The following TNFRSF19 variants were observed in gnomAD, a reference collection of about 807,000 sequenced individuals.
TNFRSF19 encodes the protein TNF receptor superfamily member 19, also known as tumor necrosis factor receptor superfamily member 19.
Under a neutral mutation model 46.4 loss-of-function variants are expected in TNFRSF19, and 27 were observed. The ratio of observed to expected loss-of-function variants is 0.58; its 90% confidence interval spans 0.43 to 0.80. The LOEUF is 0.80. Ranked by LOEUF, TNFRSF19 falls within the 30% of genes least tolerant of loss-of-function variation. The pLI, the probability that TNFRSF19 is intolerant of heterozygous loss-of-function variation, is 0.00. For synonymous variants in TNFRSF19, 204 were observed against 205.0 expected, an observed-to-expected ratio of 1.00 and a Z score of 0.04; for missense variants, 511 against 530.8, an observed-to-expected ratio of 0.96 and a Z score of 0.37.
At chr13:23,594,695 AC>A (rs1157444942) in intron 3 of TNFRSF19, among the ~76,000 whole-genome samples, 1 of 152,234 alleles carries the variant, frequency 6.6e-6, no homozygotes, top group Admixed American at 6.5e-5. Flanking sequence ...GCTTCAGCAG[AC>A]TTAAACGTTC....
chr13:23,577,405 A>G (rs768691289), intron 1 of TNFRSF19, among the ~76,000 whole-genome samples: 1 of 152,256 alleles, frequency 6.6e-6, no homozygotes, highest in African/African-American at 2.4e-5. Flanking sequence ...AATTCCACTC[A>G]GAAAGCTTTG....
At chr13:23,585,335 G>A (rs1317415716) in intron 1 of TNFRSF19, 1 of 152,042 alleles carries the variant, frequency 6.6e-6, no homozygotes, top group Non-Finnish European at 1.5e-5. Flanking sequence ...CAGATTATTA[G>A]AATTATTACA....
intron 1 of TNFRSF19, among the ~76,000 whole-genome samples, chr13:23,573,208 C>A (rs371855406): frequency 2.1e-4 from 32 of 152,184 alleles, no homozygotes; most frequent in African/African-American, 7.7e-4. Flanking sequence ...AACAAATGCA[C>A]TCTGTAGCTC....
intron 5 of TNFRSF19, among the ~76,000 whole-genome samples, chr13:23,628,391 C>T (rs1458734912): frequency 6.6e-6 from 1 of 152,200 alleles, no homozygotes; most frequent in African/African-American, 2.4e-5. Flanking sequence ...AGGACAAGCC[C>T]TCTTGCCAGT....
intron 5 of TNFRSF19, among the ~76,000 whole-genome samples, chr13:23,641,665 C>T (rs910495778): frequency 6.6e-6 from 1 of 152,182 alleles, no homozygotes; most frequent in African/African-American, 2.4e-5. Context: ...CCATTTCATT[C>T]ACAATATTCC....
intron 9 of TNFRSF19, among the ~76,000 whole-genome samples, chr13:23,671,449 C>A (rs1237326043): frequency 6.6e-6 from 1 of 151,856 alleles, no homozygotes; most frequent in Non-Finnish European, 1.5e-5. Flanking sequence ...GATTTTTCCC[C>A]TATAATAGTG....
chr13:23,616,319 A>G (rs1163112565), intron 4 of TNFRSF19, among the ~76,000 whole-genome samples: 1 of 152,224 alleles, frequency 6.6e-6, no homozygotes, highest in Non-Finnish European at 1.5e-5. Flanking sequence ...ATCAGTAAAA[A>G]AGAAAACTTG....
At chr13:23,651,879 AG>A in intron 5 of TNFRSF19, among the ~76,000 whole-genome samples, 1 of 131,932 alleles carries the variant, frequency 7.6e-6, no homozygotes, top group Non-Finnish European at 1.6e-5. Flanking sequence ...ATGGTTGGAA[AG>A]AACATAACAT....
intron 9 of TNFRSF19, among the ~76,000 whole-genome samples, chr13:23,673,119 C>T (rs1565959138): frequency 1.3e-5 from 2 of 152,140 alleles, no homozygotes; most frequent in African/African-American, 2.4e-5. Context: ...CTATGGGTTA[C>T]GGTATCATCT....
At chr13:23,594,266 C>G (rs530545811) in intron 3 of TNFRSF19, 1 of 452,606 alleles carries the variant, frequency 2.2e-6, no homozygotes, top group East Asian at 7.0e-5. Flanking sequence ...CATTCACTCC[C>G]CTGGAAAGGG....
intron 5 of TNFRSF19, among the ~76,000 whole-genome samples, chr13:23,644,926 C>T (rs923932236): frequency 6.6e-6 from 1 of 152,128 alleles, no homozygotes; most frequent in Non-Finnish European, 1.5e-5. Flanking sequence ...TTCTGTGATC[C>T]TCTATTTGAA....
chr13:23,628,497 G>A (rs748329026), intron 5 of TNFRSF19, among the ~76,000 whole-genome samples: 1 of 152,156 alleles, frequency 6.6e-6, no homozygotes, highest in Non-Finnish European at 1.5e-5. Context: ...CCAGACTGCT[G>A]CACAGAGATT....
At chr13:23,594,982 G>A (rs1472823112) in intron 3 of TNFRSF19, among the ~76,000 whole-genome samples, 1 of 152,242 alleles carries the variant, frequency 6.6e-6, no homozygotes, top group Non-Finnish European at 1.5e-5. Context: ...AGGGTCTGGA[G>A]TGGACCTCCA....
chr13:23,624,860 C>G (rs1881888705), intron 4 of TNFRSF19, among the ~76,000 whole-genome samples: 1 of 151,764 alleles, frequency 6.6e-6, no homozygotes, highest in South Asian at 2.1e-4. Flanking sequence ...ATGTGATTCT[C>G]CTGCCTCAGC....
At chr13:23,599,472 A>G (rs1879973355) in intron 3 of TNFRSF19, among the ~76,000 whole-genome samples, 1 of 152,220 alleles carries the variant, frequency 6.6e-6, no homozygotes, top group Non-Finnish European at 1.5e-5. Flanking sequence ...TTAGGGAGAC[A>G]TAAGACATTA....
chr13:23,608,959 C>T (rs989353374), intron 3 of TNFRSF19, among the ~76,000 whole-genome samples: 1 of 152,224 alleles, frequency 6.6e-6, no homozygotes, highest in Admixed American at 6.5e-5. Context: ...GTCCTCCATG[C>T]TCCTCATGCC....
chr13:23,607,578 A>G (rs1880600517), intron 3 of TNFRSF19, among the ~76,000 whole-genome samples: 1 of 152,230 alleles, frequency 6.6e-6, no homozygotes, highest in South Asian at 2.1e-4. Flanking sequence ...AACTTTTTAA[A>G]GTTAATTATG....
chr13:23,579,076 T>C (rs1004712190), intron 1 of TNFRSF19, among the ~76,000 whole-genome samples: 6 of 151,938 alleles, frequency 3.9e-5, no homozygotes, highest in Admixed American at 3.9e-4. Flanking sequence ...GAACCCTCCC[T>C]CTCTGCTCTG....
chr13:23,655,989 C>T (rs1274303665), intron 5 of TNFRSF19, among the ~76,000 whole-genome samples: 1 of 152,102 alleles, frequency 6.6e-6, no homozygotes, highest in Non-Finnish European at 1.5e-5. Context: ...AGAATGTTTG[C>T]TCTGAGTGTT....
Sources: gnomAD v4.1 joint callset for allele counts (sites outside exome capture counted in the v4.1 genomes callset) on GRCh38, gnomAD v4.1.1 for gene constraint, MANE v1.5 for transcripts, NCBI Gene and HGNC (gene_info 2026-07-23, HGNC 2026-07-21) for gene names.